Variants in USP10 observed in about 807,000 individuals in gnomAD.
USP10 encodes ubiquitin specific peptidase 10, also known as ubiquitin carboxyl-terminal hydrolase 10.
A neutral mutation model predicts 84.5 loss-of-function variants in USP10; 22 were observed. The observed-to-expected ratio is 0.26, with a 90% confidence interval of 0.19 to 0.37. The LOEUF (loss-of-function observed/expected upper bound fraction) is 0.37. Among genes scored for constraint, USP10 ranks in the 10% least tolerant of loss-of-function variants. The probability of loss-of-function intolerance (pLI) is 1.00; values close to 1 mark genes in which losing one functional copy is unlikely to be tolerated. For missense variants in USP10, 1,019 were observed against 998.9 expected (o/e 1.02, Z -0.27); for synonymous variants, 454 against 387.6 (o/e 1.17, Z -2.01).
At position 84,700,022 on chromosome 16, in the gene USP10, A is replaced by G; in HGVS notation, c.-69A>G. The G allele has an allele frequency of 7.6e-7, 1 of 1,321,904 alleles. No homozygotes were observed. The highest frequency in any genetic ancestry group is 2.6e-5 in the Admixed American group (1 of 37,916). The allele number at this position is 1,321,904 out of a possible 1,614,324, so 81.9% of individuals were successfully genotyped here. On this transcript the variant is annotated 5_prime_UTR_variant, in exon 1 of 14. Transcript: ENST00000219473. ...TGCGAGTGTGTATGTGCGGGCGAGAAGATGGCGGCGGCGGGGGAAGCAGCG... is the reference window on the plus strand; with the variant it reads ...TGCGAGTGTGTATGTGCGGGCGAGAGGATGGCGGCGGCGGGGGAAGCAGCG...
At chr16:84,705,250 G>A (rs1185887523) in intron 1 of USP10, among the ~76,000 whole-genome samples, 26 of 140,718 alleles carry the variant, frequency 1.8e-4, no homozygotes, top group Non-Finnish European at 3.1e-4. Context: ...TTTTTTTTTT[G>A]AGACGGAGTC....
intron 1 of USP10, among the ~76,000 whole-genome samples, chr16:84,720,512 C>T (rs562024911): frequency 6.7e-6 from 1 of 149,582 alleles, no homozygotes; most frequent in Non-Finnish European, 1.5e-5. Flanking sequence ...AATGATGGGA[C>T]AGAGGCTTCA....
Position 84,729,680 on chromosome 16 carries a change from A to G in USP10, c.22-3755A>G, listed in dbSNP as rs147245473. ...ATAAAATCGAAAGGACCGGTTTTAAATATTGCTGAAGTGTAACTGCTCACT... is the reference window on the plus strand; with the variant it reads ...ATAAAATCGAAAGGACCGGTTTTAAGTATTGCTGAAGTGTAACTGCTCACT... On this transcript the variant is annotated intron_variant, in intron 1 of 13. Coordinates refer to ENST00000219473, the MANE Select transcript of USP10 (RefSeq NM_005153.3). Among the ~76,000 whole-genome samples, 638 of 152,338 alleles carry G rather than the reference A, an allele frequency of 4.2e-3. 4 individuals carry two copies. The highest frequency in any genetic ancestry group is 7.3e-3 in the Admixed American group (112 of 15,302).
Position 84,779,055 on chromosome 16 carries a change from G to T in USP10, c.2370G>T (p.Leu790=). The T allele has an allele frequency of 6.2e-7, 1 of 1,613,890 alleles. No homozygotes were observed. Among genetic ancestry groups the T allele is most frequent in the Admixed American group, 1.7e-5 (1 of 60,024 alleles). The change falls in exon 14 of 14, where the codon CTG becomes CTT. Residue 790 remains leucine, a synonymous_variant. Coordinates refer to ENST00000219473, the MANE Select transcript of USP10 (RefSeq NM_005153.3). ...KPTAERTAYL[L]YYRRVDLL ...CTGCTGAACGCACAGCCTACCTCCTGTATTACCGCCGAGTGGACCTGCTGT... is the reference window on the plus strand; with the variant it reads ...CTGCTGAACGCACAGCCTACCTCCTTTATTACCGCCGAGTGGACCTGCTGT...
intron 10 of USP10, among the ~76,000 whole-genome samples, chr16:84,765,683 A>T (rs1436901713): frequency 6.6e-6 from 1 of 152,096 alleles, no homozygotes; most frequent in Non-Finnish European, 1.5e-5. Context: ...ATCCACAGAC[A>T]GTTGTTTCCC....
intron 4 of USP10, among the ~76,000 whole-genome samples, chr16:84,752,929 A>G (rs951862958): frequency 2.0e-5 from 3 of 152,186 alleles, no homozygotes; most frequent in East Asian, 1.9e-4. Flanking sequence ...ATTTCTTACA[A>G]TCATTCCTCT....
intron 1 of USP10, among the ~76,000 whole-genome samples, chr16:84,731,380 C>G (rs749451636): frequency 6.6e-6 from 1 of 151,720 alleles, no homozygotes; most frequent in African/African-American, 2.4e-5. Flanking sequence ...TTAAACAAAA[C>G]AGCATGATTT....
At chr16:84,726,627 T>TTTTTC (rs1908517885) in intron 1 of USP10, among the ~76,000 whole-genome samples, 1 of 152,198 alleles carries the variant, frequency 6.6e-6, no homozygotes, top group Non-Finnish European at 1.5e-5. Context: ...CTTGTATATT[T>TTTTTC]TTTTCCACAT....
chr16:84,717,766 T>G (rs1907238515), intron 1 of USP10, among the ~76,000 whole-genome samples: 1 of 152,226 alleles, frequency 6.6e-6, no homozygotes, highest in African/African-American at 2.4e-5. Flanking sequence ...AGGAAAGTGC[T>G]TCTACTGCCT....
In USP10 at chr16:84,745,249, T is replaced by C; in HGVS notation, c.768T>C (p.Pro256=). Residue 256 remains proline, a synonymous_variant, in exon 4 of 14, where the codon CCT becomes CCC. Coordinates refer to ENST00000219473, the MANE Select transcript of USP10 (RefSeq NM_005153.3). ...PGADFGQSCF[P]AEAGRDTLSR... is the part of the protein sequence containing the mutation. ...CTGATTTTGGTCAGTCCTGCTTCCCTGCAGAGGCTGGCAGAGACACCCTGT... is the reference window on the plus strand; with the variant it reads ...CTGATTTTGGTCAGTCCTGCTTCCCCGCAGAGGCTGGCAGAGACACCCTGT... 1 of 1,613,510 alleles carries C rather than the reference T, an allele frequency of 6.2e-7. No individual in the cohort carries two copies. Among genetic ancestry groups the C allele is most frequent in the Non-Finnish European group, 8.5e-7 (1 of 1,179,658 alleles).
At chr16:84,727,811 C>T (rs1042756927) in intron 1 of USP10, among the ~76,000 whole-genome samples, 1 of 152,210 alleles carries the variant, frequency 6.6e-6, no homozygotes, top group Non-Finnish European at 1.5e-5. Flanking sequence ...TAAGAATAGG[C>T]ATATTCTCTT....
intron 1 of USP10, among the ~76,000 whole-genome samples, chr16:84,713,869 C>A (rs867873657): frequency 2.0e-5 from 3 of 152,230 alleles, no homozygotes; most frequent in Non-Finnish European, 4.4e-5. Context: ...GAGAAGGGCG[C>A]CCAAAGCAGA....
In USP10 at chr16:84,744,690, C is replaced by A. The variant is rs767287190; in HGVS notation, c.209C>A (p.Thr70Asn). 10 of 1,613,600 alleles carry A rather than the reference C, an allele frequency of 6.2e-6. No individual in the cohort carries two copies. The highest frequency in any genetic ancestry group is 6.8e-6 in the Non-Finnish European group (8 of 1,179,676). ...GATGAAGTCATTGAACCCAGTGACA[C>A]TTTGCCGAGAACCCCCAGCTACAGT... is the stretch of plus-strand genomic sequence containing the variant. ...GVDEVIEPSD[T>N]LPRTPSYSIS... The change falls in exon 4 of 14, where the codon ACT (threonine) becomes AAT (asparagine). Residue 70 changes from threonine to asparagine, a missense_variant. Thr to Asn is a moderately conservative substitution (Grantham distance 65). Around this residue, in one of 2 missense-constraint regions of USP10, gnomAD observed 787 missense variants for 708.8 expected, o/e 1.11. Transcript: ENST00000219473.
intron 4 of USP10, among the ~76,000 whole-genome samples, chr16:84,746,130 C>G (rs1053162226): frequency 5.4e-5 from 8 of 147,052 alleles, no homozygotes; most frequent in Non-Finnish European, 1.0e-4. Flanking sequence ...GGATTTTATT[C>G]AGAATTTTGA....
intron 1 of USP10, among the ~76,000 whole-genome samples, chr16:84,724,292 A>G (rs753300977): frequency 2.5e-4 from 38 of 152,328 alleles, no homozygotes; most frequent in Middle Eastern, 6.8e-3. Flanking sequence ...TGGAGATTCA[A>G]TCTGAATTCA....
chr16:84,766,284 G>C (rs939681141), intron 10 of USP10, among the ~76,000 whole-genome samples: 16 of 152,254 alleles, frequency 1.1e-4, no homozygotes, highest in African/African-American at 3.6e-4. Flanking sequence ...TCTGTGTTCT[G>C]CACTGTGAGC....
intron 4 of USP10, among the ~76,000 whole-genome samples, chr16:84,751,552 C>G (rs949621306): frequency 1.3e-5 from 2 of 152,206 alleles, no homozygotes; most frequent in Admixed American, 1.3e-4. Context: ...TTTGTAGCCT[C>G]ACATTTATTA....
chr16:84,753,583 T>C (rs1383572885), intron 4 of USP10, among the ~76,000 whole-genome samples: 1 of 152,212 alleles, frequency 6.6e-6, no homozygotes, highest in East Asian at 1.9e-4. Context: ...GCACAATGAA[T>C]GAAGTGGCAG....
chr16:84,734,181 C>T (rs1909602431), intron 2 of USP10, among the ~76,000 whole-genome samples: 1 of 152,082 alleles, frequency 6.6e-6, no homozygotes, highest in Admixed American at 6.5e-5. Flanking sequence ...TCTTTAGTTT[C>T]ACTAGAGACT....
Sources: gnomAD v4.1 joint callset for allele counts (sites outside exome capture counted in the v4.1 genomes callset) on GRCh38, gnomAD v4.1.1 for gene constraint, gnomAD v4.1.1 regional missense constraint, MANE v1.5 for transcripts, NCBI Gene and HGNC (gene_info 2026-07-23, HGNC 2026-07-21) for gene names.